CDH13: variants seen among roughly 807,000 people sequenced by gnomAD.
CDH13 encodes cadherin 13.
CDH13 carries 24 observed loss-of-function variants against 63.8 expected under a neutral mutation model. The observed-to-expected ratio is 0.38, with a 90% CI of 0.27 to 0.53. The LOEUF (loss-of-function observed/expected upper bound fraction) is 0.53, where lower values mean the gene tolerates loss of function less well. Ranked by LOEUF, CDH13 falls within the 20% of genes least tolerant of loss-of-function variation. The pLI is 0.85. For missense variants in CDH13, 1,049 were observed against 903.1 expected, an observed-to-expected ratio of 1.16 and a Z score of -2.07; for synonymous variants, 503 against 355.3, an observed-to-expected ratio of 1.42 and a Z score of -4.67.
intron 7 of CDH13, among the ~76,000 whole-genome samples, chr16:83,551,865 T>C (rs2075506476): frequency 6.6e-6 from 1 of 152,190 alleles, no homozygotes; most frequent in Non-Finnish European, 1.5e-5. Context: ...CTAATATGGT[T>C]CCTGGCACAT....
At chr16:83,264,831 A>T (rs146191221) in intron 5 of CDH13, among the ~76,000 whole-genome samples, 22 of 152,166 alleles carry the variant, frequency 1.4e-4, no homozygotes, top group African/African-American at 5.1e-4. Flanking sequence ...TCACTTATAA[A>T]CATTTATTTC....
chr16:82,769,167 A>G (rs1202005635), intron 1 of CDH13, among the ~76,000 whole-genome samples: 1 of 152,202 alleles, frequency 6.6e-6, no homozygotes, highest in Non-Finnish European at 1.5e-5. Flanking sequence ...AAATGGCTTT[A>G]TCATATTTAA....
intron 1 of CDH13, among the ~76,000 whole-genome samples, chr16:82,708,864 A>C (rs1201535529): frequency 1.3e-5 from 2 of 152,182 alleles, no homozygotes; most frequent in Non-Finnish European, 2.9e-5. Context: ...TGTGGAGCTG[A>C]CCAGCATCAG....
At chr16:82,932,835 T>G (rs1346638221) in intron 2 of CDH13, among the ~76,000 whole-genome samples, 1 of 152,178 alleles carries the variant, frequency 6.6e-6, no homozygotes, top group Non-Finnish European at 1.5e-5. Context: ...TAGGAACAAA[T>G]GTAAGATTCC....
intron 1 of CDH13, among the ~76,000 whole-genome samples, chr16:82,794,669 T>A (rs187212523): frequency 2.6e-5 from 4 of 152,332 alleles, no homozygotes; most frequent in Non-Finnish European, 1.5e-5. Context: ...TGAATAGTTA[T>A]GTTGCCATGC....
intron 1 of CDH13, among the ~76,000 whole-genome samples, chr16:82,850,957 G>A (rs2039456043): frequency 6.6e-6 from 1 of 152,198 alleles, no homozygotes; most frequent in African/African-American, 2.4e-5. Context: ...GCACTGGGAA[G>A]CCAAAAAGTT....
In CDH13 at chr16:83,634,123, GTGTGTGTGTGTA is replaced by G. The variant is rs774722769; in HGVS notation, c.1101+31541_1101+31552del. On this transcript the variant is annotated intron_variant, in intron 8 of 13. Transcript: ENST00000567109. ...ACCCATTTTTGTGTGTTTTCTGTGTGTGTGTGTGTGTATGTGTGTGTGTGTGTGTGTGTGTGT... is the reference window on the plus strand; with the variant it reads ...ACCCATTTTTGTGTGTTTTCTGTGTGTGTGTGTGTGTGTGTGTGTGTGTGT... Among the ~76,000 whole-genome samples the G allele has an allele frequency of 1.4e-3, 106 of 76,318 alleles. 1 individual carries two copies. Among genetic ancestry groups the G allele is most frequent in the South Asian group, 7.7e-3 (17 of 2,204 alleles). The allele number at this position is 76,318 out of a possible 152,430, so 50.1% of individuals were successfully genotyped here.
intron 4 of CDH13, among the ~76,000 whole-genome samples, chr16:83,212,943 C>T (rs1187977741): frequency 2.6e-5 from 4 of 152,202 alleles, no homozygotes; most frequent in Non-Finnish European, 5.9e-5. Flanking sequence ...GTGACACCCA[C>T]CATTTCCCTG....
At chr16:83,442,454 G>C (rs1308445024) in intron 6 of CDH13, among the ~76,000 whole-genome samples, 1 of 152,202 alleles carries the variant, frequency 6.6e-6, no homozygotes, top group Non-Finnish European at 1.5e-5. Flanking sequence ...GTATCTTTCT[G>C]GATGCTGATG....
chr16:82,793,716 CTGCTCGAGA>C (rs1378386078), intron 1 of CDH13, among the ~76,000 whole-genome samples: 5 of 152,144 alleles, frequency 3.3e-5, no homozygotes, highest in African/African-American at 9.7e-5. Context: ...GATGACTGTG[CTGCTCGAGA>C]TGCTTGCAAT....
intron 7 of CDH13, among the ~76,000 whole-genome samples, chr16:83,525,314 C>G (rs1340752110): frequency 6.6e-6 from 1 of 152,222 alleles, no homozygotes; most frequent in Non-Finnish European, 1.5e-5. Flanking sequence ...GTCATGCACA[C>G]TGACTTATTT....
intron 1 of CDH13, among the ~76,000 whole-genome samples, chr16:82,819,080 A>G (rs1400019826): frequency 6.6e-6 from 1 of 152,166 alleles, no homozygotes; most frequent in Non-Finnish European, 1.5e-5. Context: ...AGAACAGAAG[A>G]TTGAGTTTTA....
Position 83,224,656 on chromosome 16 carries a change from T to C in CDH13, c.636+7159T>C, listed in dbSNP as rs184962288. On this transcript the variant is annotated intron_variant, in intron 5 of 13. Transcript: ENST00000567109. ...CTCCTATCACGTGAACCATATGAAA[T>C]TGCCATTCTTACAGGTGAAAAAGAG... is the stretch of plus-strand genomic sequence containing the variant. 1.6e-3 allele frequency among the ~76,000 whole-genome samples: 251 copies of C among 152,314 alleles called. 3 individuals carry two copies. Among genetic ancestry groups the C allele is most frequent in the Non-Finnish European group, 1.6e-3 (109 of 68,022 alleles).
At chr16:83,201,287 ATT>A (rs1173897599) in intron 4 of CDH13, among the ~76,000 whole-genome samples, 1 of 152,184 alleles carries the variant, frequency 6.6e-6, no homozygotes, top group Non-Finnish European at 1.5e-5. Context: ...CACAGTTTAT[ATT>A]TAAATGGTAA....
At chr16:83,388,484 C>T (rs956651018) in intron 6 of CDH13, among the ~76,000 whole-genome samples, 10 of 151,886 alleles carry the variant, frequency 6.6e-5, no homozygotes, top group South Asian at 2.1e-4. Flanking sequence ...TTTTGATCAA[C>T]GAGATTTGAT....
intron 5 of CDH13, among the ~76,000 whole-genome samples, chr16:83,315,129 G>C (rs2090079624): frequency 1.3e-5 from 2 of 152,194 alleles, no homozygotes; most frequent in African/African-American, 4.8e-5. Context: ...CACAATAGTA[G>C]CCTGTCTGTG....
At chr16:83,061,440 C>T (rs908646889) in intron 3 of CDH13, among the ~76,000 whole-genome samples, 8 of 152,140 alleles carry the variant, frequency 5.3e-5, no homozygotes, top group African/African-American at 1.9e-4. Flanking sequence ...CTCCCTGTGC[C>T]AACCCCGGAA....
intron 4 of CDH13, among the ~76,000 whole-genome samples, chr16:83,197,820 A>T (rs199504253): frequency 5.8e-4 from 2 of 3,426 alleles, no homozygotes; most frequent in African/African-American, 2.4e-3. Context: ...TGACACATTC[A>T]CACACACACA....
At chr16:83,604,977 A>T (rs1242484136) in intron 8 of CDH13, among the ~76,000 whole-genome samples, 1 of 152,240 alleles carries the variant, frequency 6.6e-6, no homozygotes, top group East Asian at 1.9e-4. Context: ...TGGACTCTAA[A>T]GGTTAGCTAC....
Sources: gnomAD v4.1 joint callset for allele counts (sites outside exome capture counted in the v4.1 genomes callset) on GRCh38, gnomAD v4.1.1 for gene constraint, MANE v1.5 for transcripts, NCBI Gene and HGNC (gene_info 2026-07-23, HGNC 2026-07-21) for gene names.